Variants in DMD observed in about 807,000 individuals in gnomAD.
The protein encoded by DMD is dystrophin, also known as mutant dystrophin.
A neutral mutation model predicts 330.1 loss-of-function variants in DMD; 63 were observed. That is an observed-to-expected ratio of 0.19 (90% CI 0.16 to 0.24). DMD has a LOEUF of 0.24. Ranked by LOEUF, DMD falls within the 10% of genes least tolerant of loss-of-function variation. The pLI, the probability that DMD is intolerant of heterozygous loss-of-function variation, is 1.00. For synonymous variants in DMD, 1,223 were observed against 959.8 expected (o/e 1.27, Z -5.07); for missense variants, 3,344 against 2,684.1 (o/e 1.25, Z -5.43).
At chrX:32,681,369 A>T (rs12687211) in intron 9 of DMD, among the ~76,000 whole-genome samples, 22,282 of 110,841 alleles carry the variant, frequency 0.2, 1,964 homozygotes, top group South Asian at 0.49. Context: ...AATCACTGAA[A>T]TTAGTTTGGA....
chrX:31,204,267 G>A lies in DMD; in HGVS notation c.9650-149C>T, dbSNP rs1039332036. The A allele has an allele frequency of 7.9e-6, 4 of 505,099 alleles. No homozygotes were observed. In the African/African-American group the frequency reaches 9.5e-5, roughly 12 times the overall value. The allele number at this position is 505,099 out of a possible 1,213,427, so 41.6% of individuals were successfully genotyped here. A position where few individuals can be genotyped will look rare whatever the true frequency, so the allele number is the denominator to read the frequency against. The stretch of plus-strand genomic sequence containing the variant: ...GTTACTTCTAATTTGTGCTAATCTG[G>A]ATATTTATTATTTTTATGAATCAAG... On this transcript the variant is annotated intron_variant, in intron 66 of 78. Transcript: ENST00000357033.
intron 64 of DMD, among the ~76,000 whole-genome samples, chrX:31,218,494 C>T (rs2045641147): frequency 9.0e-6 from 1 of 111,591 alleles, no homozygotes; most frequent in South Asian, 3.8e-4. Context: ...CCTAAGGAAA[C>T]CCTCGACCTG....
At chrX:32,260,119 T>C (rs914601206) in intron 43 of DMD, among the ~76,000 whole-genome samples, 2 of 111,230 alleles carry the variant, frequency 1.8e-5, no homozygotes, top group Non-Finnish European at 3.8e-5. Context: ...GTGAGTGCAA[T>C]TGTGATTGAA....
chrX:32,500,274 A>G, intron 19 of DMD, among the ~76,000 whole-genome samples: 1 of 111,515 alleles, frequency 9.0e-6, no homozygotes, highest in Non-Finnish European at 1.9e-5. Context: ...TGGTCAATTA[A>G]TATTTACTAA....
chrX:31,814,579 T>C (rs1417228304), intron 50 of DMD, among the ~76,000 whole-genome samples: 1 of 108,047 alleles, frequency 9.3e-6, no homozygotes, highest in African/African-American at 3.4e-5. Context: ...TCCATAGTTA[T>C]TACCAAGAGA....
chrX:32,956,016 A>T, intron 2 of DMD, among the ~76,000 whole-genome samples: 1 of 111,370 alleles, frequency 9.0e-6, no homozygotes, highest in East Asian at 2.8e-4. Context: ...TGCCTTGGCT[A>T]CTTGGGCTCT....
At chrX:32,885,942 C>T (rs1286295002) in intron 2 of DMD, among the ~76,000 whole-genome samples, 3 of 108,697 alleles carry the variant, frequency 2.8e-5, no homozygotes, top group African/African-American at 1.0e-4. Context: ...ATAAAACTCA[C>T]ATTCTTATTC....
intron 52 of DMD, among the ~76,000 whole-genome samples, chrX:31,715,542 C>CAAA (rs34808252): frequency 6.7e-4 from 34 of 50,479 alleles, no homozygotes; most frequent in Admixed American, 4.3e-3. Context: ...AACTCCGTCT[C>CAAA]AAAAAAAAAA....
intron 60 of DMD, among the ~76,000 whole-genome samples, chrX:31,383,613 G>A (rs2060295241): frequency 8.9e-6 from 1 of 111,799 alleles, no homozygotes; most frequent in Admixed American, 9.4e-5. Context: ...CTGCTCAAAT[G>A]TTGCCTTTTC....
At chrX:31,989,627 C>T (rs1264094631) in intron 44 of DMD, among the ~76,000 whole-genome samples, 1 of 110,302 alleles carries the variant, frequency 9.1e-6, no homozygotes, top group Non-Finnish European at 1.9e-5. Context: ...TGGGGAAAAA[C>T]AGGAGAAAAA....
chrX:32,819,558 A>G (rs946387747), intron 5 of DMD, among the ~76,000 whole-genome samples: 42 of 112,061 alleles, frequency 3.7e-4, no homozygotes, highest in Non-Finnish European at 6.9e-4. Flanking sequence ...AATATGCGTT[A>G]CTGTTTTAGG....
At position 31,729,647 on chromosome X, in the gene DMD, T is replaced by C. The variant is rs750149649; in HGVS notation, c.7644A>G (p.Thr2548=). ...KNKTSNQEAR[T]IITDRIERIQ... Reference sequence around the variant, plus strand: ...AAAACTTACTTCGATCCGTAATGATTGTTCTAGCCTCTTGATTGCTGGTCT... The same window carrying C: ...AAAACTTACTTCGATCCGTAATGATCGTTCTAGCCTCTTGATTGCTGGTCT... The change falls in exon 52 of 79, where the codon ACA becomes ACG. Residue 2548 remains threonine, a synonymous_variant. Coordinates refer to ENST00000357033, the MANE Select transcript of DMD (RefSeq NM_004006.3). 1 of 1,210,341 alleles carries C rather than the reference T, an allele frequency of 8.3e-7. No individual in the cohort carries two copies. The highest frequency in any genetic ancestry group is 2.2e-5 in the Admixed American group (1 of 46,046).
At chrX:32,975,299 C>A (rs1273549974) in intron 2 of DMD, among the ~76,000 whole-genome samples, 4 of 104,469 alleles carry the variant, frequency 3.8e-5, no homozygotes, top group African/African-American at 7.1e-5. Flanking sequence ...AGCATAGTAA[C>A]CAAAAAATAT....
intron 41 of DMD, among the ~76,000 whole-genome samples, chrX:32,336,127 A>G (rs2097713745): frequency 9.1e-6 from 1 of 109,713 alleles, no homozygotes; most frequent in African/African-American, 3.3e-5. Flanking sequence ...GTTATATGTA[A>G]CATGTGCATA....
intron 22 of DMD, among the ~76,000 whole-genome samples, chrX:32,469,109 C>A (rs1255013090): frequency 3.6e-5 from 4 of 110,014 alleles, no homozygotes; most frequent in Non-Finnish European, 7.6e-5. Context: ...AAAACTATAG[C>A]TAATAATATT....
chrX:32,571,258 T>C (rs1465337185), intron 15 of DMD, among the ~76,000 whole-genome samples: 1 of 112,149 alleles, frequency 8.9e-6, no homozygotes, highest in East Asian at 2.8e-4. Context: ...ACATTTTGCC[T>C]GAGAAGAACA....
In DMD at chrX:31,351,159, TAC is replaced by T. The variant is rs3061695; in HGVS notation, c.9085-2527_9085-2526del. On this transcript the variant is annotated intron_variant, in intron 60 of 78. Transcript: ENST00000357033. ...TCACACACACATAGACATACATATA[TAC>T]ACACACACACACACACACATATACA... Among the ~76,000 whole-genome samples, 586 of 105,020 alleles carry T rather than the reference TAC, an allele frequency of 5.6e-3. 7 individuals are homozygous for T. Among genetic ancestry groups the T allele is most frequent in the African/African-American group, 0.019 (539 of 28,525 alleles). 91.2% of individuals were successfully genotyped at this position (105,020 alleles called of 115,157 possible). A position where few individuals can be genotyped will look rare whatever the true frequency, so the allele number is the denominator to read the frequency against.
chrX:31,903,507 C>T, intron 47 of DMD, among the ~76,000 whole-genome samples: 1 of 112,087 alleles, frequency 8.9e-6, no homozygotes, highest in Middle Eastern at 4.6e-3. Flanking sequence ...CTGAACTCAC[C>T]ATTTGAAAAA....
intron 2 of DMD, among the ~76,000 whole-genome samples, chrX:32,955,889 T>C (rs1190399901): frequency 8.9e-6 from 1 of 112,012 alleles, no homozygotes; most frequent in Non-Finnish European, 1.9e-5. Context: ...TTTTGTTCCA[T>C]TGATCCATGT....
Sources: gnomAD v4.1 joint callset for allele counts (sites outside exome capture counted in the v4.1 genomes callset) on GRCh38, gnomAD v4.1.1 for gene constraint, MANE v1.5 for transcripts, NCBI Gene and HGNC (gene_info 2026-07-23, HGNC 2026-07-21) for gene names.